ZRANB3: variants seen among roughly 807,000 people sequenced by gnomAD.
ZRANB3 encodes DNA annealing helicase and endonuclease ZRANB3.
ZRANB3 carries 125 observed loss-of-function variants against 133.8 expected under a neutral mutation model. The ratio of observed to expected loss-of-function variants is 0.93; its 90% confidence interval spans 0.81 to 1.08. ZRANB3 has a LOEUF of 1.08. Among genes scored for constraint, ZRANB3 ranks in the 50% least tolerant of loss-of-function variants. ZRANB3 has a pLI of 0.00. For synonymous variants in ZRANB3, 387 were observed against 432.7 expected, an observed-to-expected ratio of 0.89 and a Z score of 1.31; for missense variants, 1,229 against 1,275.5, an observed-to-expected ratio of 0.96 and a Z score of 0.56.
chr2:135,519,095 GA>G (rs1693814465), intron 1 of ZRANB3, among the ~76,000 whole-genome samples: 1 of 152,074 alleles, frequency 6.6e-6, no homozygotes. Context: ...TTTAGAAATG[GA>G]TAATAGATTA....
chr2:135,231,205 C>G (rs1231069203), intron 12 of ZRANB3, among the ~76,000 whole-genome samples: 1 of 152,060 alleles, frequency 6.6e-6, no homozygotes, highest in East Asian at 1.9e-4. Context: ...CACATCAGCT[C>G]TATGAAGTCA....
chr2:135,473,836 T>C (rs1245567593), intron 2 of ZRANB3, among the ~76,000 whole-genome samples: 1 of 152,046 alleles, frequency 6.6e-6, no homozygotes, highest in African/African-American at 2.4e-5. Context: ...CTACCCAATA[T>C]AAAAATATCA....
chr2:135,363,078 G>A (rs1366406439), intron 3 of ZRANB3, among the ~76,000 whole-genome samples: 2 of 152,118 alleles, frequency 1.3e-5, no homozygotes, highest in African/African-American at 4.8e-5. Flanking sequence ...CTTGGTGGAA[G>A]GAAAAGAGGG....
chr2:135,348,185 G>T (rs537560186), intron 5 of ZRANB3, among the ~76,000 whole-genome samples: 1 of 151,916 alleles, frequency 6.6e-6, no homozygotes, highest in South Asian at 2.1e-4. Context: ...CTTGAACCTG[G>T]GAGGTAGAAG....
intron 2 of ZRANB3, among the ~76,000 whole-genome samples, chr2:135,427,224 C>T (rs1010844059): frequency 1.3e-5 from 2 of 151,794 alleles, no homozygotes; most frequent in African/African-American, 4.8e-5. Flanking sequence ...AGAAATCAAG[C>T]AAGAGAAAGA....
At chr2:135,279,130 T>G (rs1025052274) in intron 8 of ZRANB3, among the ~76,000 whole-genome samples, 11 of 151,846 alleles carry the variant, frequency 7.2e-5, no homozygotes, top group African/African-American at 2.7e-4. Flanking sequence ...CTTTGAGAAA[T>G]AAGGTTAGGG....
At chr2:135,317,149 C>T (rs531843071) in intron 6 of ZRANB3, among the ~76,000 whole-genome samples, 3 of 151,680 alleles carry the variant, frequency 2.0e-5, no homozygotes, top group East Asian at 1.9e-4. Context: ...AAATTTTTAA[C>T]GGATTTGCTT....
At chr2:135,476,999 A>T (rs1470154225) in intron 2 of ZRANB3, among the ~76,000 whole-genome samples, 1 of 152,132 alleles carries the variant, frequency 6.6e-6, no homozygotes, top group Non-Finnish European at 1.5e-5. Flanking sequence ...GGGATTACAG[A>T]CATAAGCGAC....
At chr2:135,379,554 CA>C (rs1289394781) in intron 3 of ZRANB3, among the ~76,000 whole-genome samples, 1 of 152,074 alleles carries the variant, frequency 6.6e-6, no homozygotes, top group Non-Finnish European at 1.5e-5. Context: ...CATATCCGGC[CA>C]AACTAAGCTT....
At chr2:135,379,188 A>T (rs936139694) in intron 3 of ZRANB3, among the ~76,000 whole-genome samples, 6 of 152,160 alleles carry the variant, frequency 3.9e-5, no homozygotes, top group African/African-American at 1.2e-4. Flanking sequence ...TAAATTAAAA[A>T]TTTTTTTAAA....
chr2:135,331,512 G>A (rs1480987253), intron 6 of ZRANB3, among the ~76,000 whole-genome samples: 1 of 152,150 alleles, frequency 6.6e-6, no homozygotes, highest in Non-Finnish European at 1.5e-5. Flanking sequence ...GTGATGTGGT[G>A]CTAAAAAGAA....
chr2:135,332,001 T>C (rs1426846251), intron 6 of ZRANB3, among the ~76,000 whole-genome samples: 1 of 152,104 alleles, frequency 6.6e-6, no homozygotes, highest in African/African-American at 2.4e-5. Flanking sequence ...ATAAAGACAA[T>C]GTTAATGCAT....
At chr2:135,489,670 G>A (rs561913261) in intron 2 of ZRANB3, among the ~76,000 whole-genome samples, 1 of 151,372 alleles carries the variant, frequency 6.6e-6, no homozygotes, top group Non-Finnish European at 1.5e-5. Context: ...TGAAATGAAG[G>A]CCAAATGGAA....
At chr2:135,483,352 G>C (rs1159308469) in intron 2 of ZRANB3, among the ~76,000 whole-genome samples, 8 of 152,196 alleles carry the variant, frequency 5.3e-5, no homozygotes. Context: ...TTGGGAGAGT[G>C]TATTTGTCGA....
chr2:135,484,997 C>A (rs1289201429), intron 2 of ZRANB3, among the ~76,000 whole-genome samples: 2 of 151,874 alleles, frequency 1.3e-5, no homozygotes, highest in Non-Finnish European at 2.9e-5. Context: ...GAATGCGCCA[C>A]TGCACTCCAG....
At chr2:135,234,053 CAT>C (rs1277630103) in intron 12 of ZRANB3, among the ~76,000 whole-genome samples, 2 of 152,270 alleles carry the variant, frequency 1.3e-5, no homozygotes, top group East Asian at 3.9e-4. Flanking sequence ...AAACCCATCT[CAT>C]GTGCAGAGAC....
At chr2:135,292,235 C>T (rs947851165) in intron 8 of ZRANB3, among the ~76,000 whole-genome samples, 3 of 152,146 alleles carry the variant, frequency 2.0e-5, no homozygotes, top group African/African-American at 7.2e-5. Flanking sequence ...GTTCCTATTT[C>T]TCCACATCCT....
chr2:135,221,162 T>G (rs1394038894), intron 15 of ZRANB3, among the ~76,000 whole-genome samples: 11 of 152,146 alleles, frequency 7.2e-5, no homozygotes. Flanking sequence ...CAGCCTTACT[T>G]CAGCTCTTTT....
rs568687490 is a variant in ZRANB3 at position 135,336,980 on chromosome 2, G to A, written c.677+8570C>T. Among the ~76,000 whole-genome samples the A allele has an allele frequency of 2.0e-5, 3 of 152,040 alleles. No individual in the cohort carries two copies. In the South Asian group the frequency reaches 6.2e-4, roughly 32 times the overall value. On this transcript the variant is annotated intron_variant, in intron 6 of 20. Transcript: ENST00000264159. ...TGAATATTTAGAAATGACATGCCAG[G>A]AACCATGGTTTTTGGCTATAAGGAA...
Sources: gnomAD v4.1 joint callset for allele counts (sites outside exome capture counted in the v4.1 genomes callset) on GRCh38, gnomAD v4.1.1 for gene constraint, MANE v1.5 for transcripts, NCBI Gene and HGNC (gene_info 2026-07-23, HGNC 2026-07-21) for gene names.